The following FBXL17 variants were observed in gnomAD, a reference collection of about 807,000 sequenced individuals.
FBXL17 encodes the protein F-box and leucine rich repeat protein 17, also known as F-box/LRR-repeat protein 17.
A neutral mutation model predicts 66.2 loss-of-function variants in FBXL17; 22 were observed. The observed-to-expected ratio is 0.33, with a 90% CI of 0.24 to 0.47. The LOEUF (loss-of-function observed/expected upper bound fraction) is 0.47, where lower values mean the gene tolerates loss of function less well. Among genes scored for constraint, FBXL17 ranks in the 20% least tolerant of loss-of-function variants. The probability of loss-of-function intolerance (pLI) is 1.00; values close to 1 mark genes in which losing one functional copy is unlikely to be tolerated. For synonymous variants in FBXL17, 474 were observed against 400.5 expected (o/e 1.18, Z -2.19); for missense variants, 878 against 948.2 (o/e 0.93, Z 0.97).
At chr5:107,895,299 G>A (rs1749339601) in intron 7 of FBXL17, among the ~76,000 whole-genome samples, 1 of 151,952 alleles carries the variant, frequency 6.6e-6, no homozygotes, top group African/African-American at 2.4e-5. Context: ...GGAACAACAT[G>A]GCTAAATAGT....
At chr5:108,329,557 C>A (rs1436333551) in intron 4 of FBXL17, among the ~76,000 whole-genome samples, 2 of 152,104 alleles carry the variant, frequency 1.3e-5, no homozygotes. Context: ...TTATTTAATT[C>A]TTCAAGTACT....
At chr5:108,317,027 G>A (rs1365318466) in intron 4 of FBXL17, among the ~76,000 whole-genome samples, 1 of 151,102 alleles carries the variant, frequency 6.6e-6, no homozygotes, top group African/African-American at 2.4e-5. Flanking sequence ...GTCTATTCAT[G>A]TAAAAACTGT....
chr5:107,944,346 A>G (rs950303662), intron 7 of FBXL17, among the ~76,000 whole-genome samples: 2 of 152,188 alleles, frequency 1.3e-5, no homozygotes, highest in Non-Finnish European at 1.5e-5. Flanking sequence ...ATTTTATTTC[A>G]AAATAGTTTG....
At chr5:108,379,214 G>C (rs1348730317) in intron 1 of FBXL17, among the ~76,000 whole-genome samples, 1 of 152,096 alleles carries the variant, frequency 6.6e-6, no homozygotes, top group African/African-American at 2.4e-5. Context: ...TAAGTAGAAG[G>C]TACCTGGCTT....
intron 8 of FBXL17, among the ~76,000 whole-genome samples, chr5:107,872,976 G>C (rs1748506559): frequency 6.6e-6 from 1 of 152,206 alleles, no homozygotes; most frequent in Non-Finnish European, 1.5e-5. Flanking sequence ...GATGGGGGAA[G>C]TGAGAAGAGA....
intron 4 of FBXL17, among the ~76,000 whole-genome samples, chr5:108,330,630 G>A (rs1026705823): frequency 6.6e-6 from 1 of 151,586 alleles, no homozygotes; most frequent in African/African-American, 2.4e-5. Context: ...AAGTACCAAG[G>A]GAACAAAAAA....
intron 7 of FBXL17, among the ~76,000 whole-genome samples, chr5:107,987,579 T>C (rs1753065101): frequency 6.6e-6 from 1 of 152,074 alleles, no homozygotes; most frequent in African/African-American, 2.4e-5. Flanking sequence ...ACAGTTTCAG[T>C]GGCCTGGCAT....
At chr5:108,221,925 C>T (rs1405930456) in intron 5 of FBXL17, among the ~76,000 whole-genome samples, 3 of 152,112 alleles carry the variant, frequency 2.0e-5, no homozygotes, top group Non-Finnish European at 4.4e-5. Flanking sequence ...AAGCAACATT[C>T]ATTGCTTAGT....
At chr5:107,876,745 C>T (rs1268363919) in intron 8 of FBXL17, among the ~76,000 whole-genome samples, 1 of 152,126 alleles carries the variant, frequency 6.6e-6, no homozygotes, top group Non-Finnish European at 1.5e-5. Context: ...TGTTCTCCAT[C>T]CAAACTGCCT....
intron 7 of FBXL17, among the ~76,000 whole-genome samples, chr5:107,992,022 A>C (rs929714099): frequency 6.6e-6 from 1 of 152,104 alleles, no homozygotes. Context: ...ACGGATTATG[A>C]CTTTTCCCTG....
Position 108,348,558 on chromosome 5 carries a change from C to T in FBXL17, c.1375-28G>A, listed in dbSNP as rs17161259. On this transcript the variant is annotated intron_variant, in intron 3 of 8. Transcript: ENST00000542267. ...GTAAACAAACAGATTTAGCTGAATG[C>T]TCAAAAAATAACAAAGGCAACATAT... 7,660 of 1,584,318 alleles carry T rather than the reference C, an allele frequency of 4.8e-3. 304 individuals are homozygous for T. The African/African-American group carries it at 0.092, about 19-fold the overall frequency.
chr5:108,181,161 G>A (rs143435030), intron 6 of FBXL17, among the ~76,000 whole-genome samples: 6 of 152,070 alleles, frequency 3.9e-5, no homozygotes, highest in South Asian at 2.1e-4. Context: ...TGGACTCCGC[G>A]TCAAACATAT....
chr5:108,079,479 T>C (rs1485984564), intron 6 of FBXL17, among the ~76,000 whole-genome samples: 1 of 152,188 alleles, frequency 6.6e-6, no homozygotes, highest in Non-Finnish European at 1.5e-5. Context: ...TATGATATGA[T>C]GAAAGACACT....
intron 4 of FBXL17, among the ~76,000 whole-genome samples, chr5:108,274,824 C>A (rs1316022972): frequency 6.6e-6 from 1 of 152,084 alleles, no homozygotes; most frequent in South Asian, 2.1e-4. Context: ...CCTGACTTCC[C>A]GCAACAAATA....
chr5:108,330,481 C>G (rs1760069413), intron 4 of FBXL17, among the ~76,000 whole-genome samples: 1 of 152,090 alleles, frequency 6.6e-6, no homozygotes, highest in South Asian at 2.1e-4. Context: ...AAACTACAAC[C>G]CAAAACCTTC....
At chr5:108,220,102 C>T (rs1040131100) in intron 5 of FBXL17, among the ~76,000 whole-genome samples, 1 of 151,880 alleles carries the variant, frequency 6.6e-6, no homozygotes, top group Admixed American at 6.6e-5. Context: ...AAATCTGATA[C>T]ATTGTGTTTT....
intron 4 of FBXL17, among the ~76,000 whole-genome samples, chr5:108,231,478 T>A (rs990390738): frequency 2.0e-5 from 3 of 152,180 alleles, no homozygotes; most frequent in African/African-American, 7.2e-5. Flanking sequence ...GGTTTATCCA[T>A]GTTAGTCCAT....
At chr5:108,323,327 G>T (rs974595824) in intron 4 of FBXL17, among the ~76,000 whole-genome samples, 2 of 151,002 alleles carry the variant, frequency 1.3e-5, no homozygotes, top group Non-Finnish European at 3.0e-5. Flanking sequence ...ATCTGAAAAA[G>T]AAATTAAGAG....
intron 1 of FBXL17, among the ~76,000 whole-genome samples, chr5:108,373,052 C>G (rs1749145784): frequency 6.6e-6 from 1 of 151,398 alleles, no homozygotes; most frequent in African/African-American, 2.4e-5. Flanking sequence ...TGAAACTAAA[C>G]TGGTATTAAT....
Sources: gnomAD v4.1 joint callset for allele counts (sites outside exome capture counted in the v4.1 genomes callset) on GRCh38, gnomAD v4.1.1 for gene constraint, MANE v1.5 for transcripts, NCBI Gene and HGNC (gene_info 2026-07-23, HGNC 2026-07-21) for gene names.